PLCL1: variants seen among roughly 807,000 people sequenced by gnomAD.
The protein encoded by PLCL1 is inactive phospholipase C-like protein 1.
A neutral mutation model predicts 84.4 loss-of-function variants in PLCL1; 41 were observed. That is an observed-to-expected ratio of 0.49 (90% CI 0.38 to 0.63). The LOEUF (loss-of-function observed/expected upper bound fraction) is 0.63. PLCL1 is among the 30% of genes least tolerant of loss of function. The pLI, the probability that PLCL1 is intolerant of heterozygous loss-of-function variation, is 0.00. For missense variants in PLCL1, 1,206 were observed against 1,367.8 expected (o/e 0.88, Z 1.87); for synonymous variants, 490 against 488.3 (o/e 1.00, Z -0.05).
intron 1 of PLCL1, among the ~76,000 whole-genome samples, chr2:198,031,971 T>C (rs1691439811): frequency 6.6e-6 from 1 of 152,140 alleles, no homozygotes; most frequent in African/African-American, 2.4e-5. Flanking sequence ...TTTTTGTTAT[T>C]CTTCATTTGT....
At chr2:198,024,167 T>A (rs966154141) in intron 1 of PLCL1, among the ~76,000 whole-genome samples, 18 of 152,150 alleles carry the variant, frequency 1.2e-4, no homozygotes, top group African/African-American at 4.3e-4. Flanking sequence ...AAACACCACA[T>A]GTTCTCACTC....
At chr2:197,985,493 G>T (rs1690202308) in intron 1 of PLCL1, among the ~76,000 whole-genome samples, 1 of 152,120 alleles carries the variant, frequency 6.6e-6, no homozygotes, top group South Asian at 2.1e-4. Context: ...TAAGCCAGAG[G>T]AGTTGGCAAA....
chr2:198,005,229 G>T (rs1436958416), intron 1 of PLCL1, among the ~76,000 whole-genome samples: 1 of 152,224 alleles, frequency 6.6e-6, no homozygotes, highest in Non-Finnish European at 1.5e-5. Flanking sequence ...GATAGGGGCA[G>T]TGAGATATAC....
chr2:197,833,188 A>C (rs1295592361), intron 1 of PLCL1, among the ~76,000 whole-genome samples: 12 of 152,194 alleles, frequency 7.9e-5, no homozygotes, highest in Non-Finnish European at 1.5e-5. Context: ...ATATCTCAAA[A>C]TAGTACGAGC....
intron 1 of PLCL1, among the ~76,000 whole-genome samples, chr2:197,917,644 G>T (rs1688621520): frequency 6.6e-6 from 1 of 152,056 alleles, no homozygotes; most frequent in Non-Finnish European, 1.5e-5. Context: ...AGGGGTTGGG[G>T]GATCCTAGGA....
At chr2:197,831,737 G>A (rs924208227) in intron 1 of PLCL1, among the ~76,000 whole-genome samples, 6 of 152,022 alleles carry the variant, frequency 3.9e-5, no homozygotes, top group African/African-American at 1.2e-4. Flanking sequence ...GCACCACATA[G>A]CACTTATTCT....
chr2:197,938,412 G>A (rs939160946), intron 1 of PLCL1, among the ~76,000 whole-genome samples: 2 of 152,174 alleles, frequency 1.3e-5, no homozygotes, highest in African/African-American at 4.8e-5. Context: ...CCACAGAAGC[G>A]AATATGTAGA....
At chr2:198,031,967 T>C (rs949276951) in intron 1 of PLCL1, among the ~76,000 whole-genome samples, 5 of 152,176 alleles carry the variant, frequency 3.3e-5, no homozygotes, top group African/African-American at 9.7e-5. Flanking sequence ...TAGATTTTTG[T>C]TATTCTTCAT....
At chr2:197,860,115 G>A (rs1040224600) in intron 1 of PLCL1, among the ~76,000 whole-genome samples, 1 of 152,024 alleles carries the variant, frequency 6.6e-6, no homozygotes, top group Non-Finnish European at 1.5e-5. Context: ...TTACAAATAA[G>A]CATATGTGGT....
intron 1 of PLCL1, among the ~76,000 whole-genome samples, chr2:197,848,827 G>A (rs1345833648): frequency 6.6e-6 from 1 of 152,034 alleles, no homozygotes; most frequent in African/African-American, 2.4e-5. Context: ...CCTTTTATCA[G>A]GAGAAATATA....
At chr2:197,887,275 G>A (rs1439544706) in intron 1 of PLCL1, among the ~76,000 whole-genome samples, 1 of 152,108 alleles carries the variant, frequency 6.6e-6, no homozygotes, top group Non-Finnish European at 1.5e-5. Context: ...TTTATTGTAT[G>A]AAGTACCCCA....
Position 197,892,217 on chromosome 2 carries a change from C to T in PLCL1, c.240+86878C>T, listed in dbSNP as rs185525181. Among the ~76,000 whole-genome samples the T allele has an allele frequency of 9.5e-4, 144 of 152,108 alleles. 1 individual carries two copies. The highest frequency in any genetic ancestry group is 3.4e-3 in the Middle Eastern group (1 of 294). Reference sequence around the variant, plus strand: ...AGTGTTTTCATAAAACTGAAAAATGCGGCTGGGTGCGGTGGCAGGTAAGGG... The same window carrying T: ...AGTGTTTTCATAAAACTGAAAAATGTGGCTGGGTGCGGTGGCAGGTAAGGG... On this transcript the variant is annotated intron_variant, in intron 1 of 5. Coordinates refer to ENST00000428675, the MANE Select transcript of PLCL1 (RefSeq NM_006226.4).
intron 1 of PLCL1, among the ~76,000 whole-genome samples, chr2:197,822,610 C>T (rs1690841223): frequency 6.6e-6 from 1 of 152,174 alleles, no homozygotes; most frequent in Non-Finnish European, 1.5e-5. Flanking sequence ...TAGGGACTGT[C>T]TACCCCATTT....
chr2:197,897,611 A>C (rs921928371), intron 1 of PLCL1, among the ~76,000 whole-genome samples: 5 of 152,174 alleles, frequency 3.3e-5, no homozygotes, highest in African/African-American at 1.2e-4. Flanking sequence ...TTAATTAATA[A>C]GATATTTATT....
intron 1 of PLCL1, among the ~76,000 whole-genome samples, chr2:198,066,442 C>T (rs916225596): frequency 1.3e-5 from 2 of 152,086 alleles, no homozygotes; most frequent in African/African-American, 4.8e-5. Context: ...CCCCATTGCT[C>T]CCAACCCAGT....
chr2:198,062,640 T>C (rs2105878599), intron 1 of PLCL1, among the ~76,000 whole-genome samples: 1 of 152,346 alleles, frequency 6.6e-6, no homozygotes, highest in East Asian at 1.9e-4. Flanking sequence ...CTAGTTTTTT[T>C]CATAAGTGTA....
At chr2:197,831,433 A>G (rs926243341) in intron 1 of PLCL1, among the ~76,000 whole-genome samples, 2 of 152,220 alleles carry the variant, frequency 1.3e-5, no homozygotes, top group African/African-American at 4.8e-5. Context: ...AGGGCATTAT[A>G]TAATGGTAAA....
In PLCL1 at chr2:198,084,518, A is replaced by G. The variant is rs1272083348; in HGVS notation, c.1001A>G (p.Asp334Gly). ...SKNKEYLDAN[D>G]LMLFLEAEQG... ...AACAAAGAATATTTGGATGCCAATG[A>G]TCTCATGCTCTTTTTAGAAGCTGAG... Residue 334 changes from aspartate to glycine, a missense_variant, in exon 2 of 6, where the codon GAT becomes GGT. Coordinates refer to ENST00000428675, the MANE Select transcript of PLCL1 (RefSeq NM_006226.4). 1.9e-6 allele frequency: 3 copies of G among 1,614,140 alleles called. No individual in the cohort carries two copies. The highest frequency in any genetic ancestry group is 2.5e-6 in the Non-Finnish European group (3 of 1,179,976).
chr2:198,146,801 A>C lies in PLCL1; in HGVS notation c.3127A>C (p.Asn1043His). The change falls in exon 6 of 6, where the codon AAT (asparagine) becomes CAT (histidine). Residue 1043 changes from asparagine (N) to histidine (H), a missense_variant. Transcript: ENST00000428675. ...VLKGQGDLLK[N>H]AKNEAIENMK... ...GTAGGGCCAAGGAGATCTGTTGAAG[A>C]ATGCCAAGAATGAAGCTATAGAAAA... 1.2e-6 allele frequency: 2 copies of C among 1,612,812 alleles called. No homozygotes were observed. The highest frequency in any genetic ancestry group is 1.1e-5 in the South Asian group (1 of 90,954).
Sources: gnomAD v4.1 joint callset for allele counts (sites outside exome capture counted in the v4.1 genomes callset) on GRCh38, gnomAD v4.1.1 for gene constraint, MANE v1.5 for transcripts, NCBI Gene and HGNC (gene_info 2026-07-23, HGNC 2026-07-21) for gene names.